UGT3A1: variants seen among roughly 807,000 people sequenced by gnomAD.
UGT3A1 encodes UDP-glycosyltransferase 3A1.
In UGT3A1, 40 loss-of-function variants were observed where a neutral mutation model predicts 37.6. The observed-to-expected ratio is 1.06, with a 90% CI of 0.83 to 1.38. UGT3A1 has a LOEUF of 1.38. Among genes scored for constraint, UGT3A1 ranks in the 40% most tolerant of loss-of-function variants. UGT3A1 has a pLI of 0.00. For missense variants in UGT3A1, 642 were observed against 634.2 expected (o/e 1.01, Z -0.13); for synonymous variants, 256 against 232.3 (o/e 1.10, Z -0.93).
chr5:35,993,403 G>A (rs1195115006), upstream of UGT3A1, among the ~76,000 whole-genome samples: 1 of 151,900 alleles, frequency 6.6e-6, no homozygotes, highest in Non-Finnish European at 1.5e-5. Context: ...GGCGGAGGTT[G>A]CAGTGAGCCA....
chr5:35,989,131 T>C (rs1460518034), intron 1 of UGT3A1, among the ~76,000 whole-genome samples: 1 of 152,230 alleles, frequency 6.6e-6, no homozygotes, highest in Non-Finnish European at 1.5e-5. Flanking sequence ...GTGATTAAAA[T>C]GTATTTGGCA....
intron 1 of UGT3A1, among the ~76,000 whole-genome samples, chr5:35,990,206 G>A (rs1230079720): frequency 6.6e-6 from 1 of 152,102 alleles, no homozygotes; most frequent in Non-Finnish European, 1.5e-5. Context: ...GGGACATTAA[G>A]GAGGCCACAT....
In UGT3A1 at chr5:35,988,568, A is replaced by G. The variant is rs1392535759; in HGVS notation, c.95-17T>C. On this transcript the variant is annotated splice_polypyrimidine_tract_variant and intron_variant, in intron 1 of 6. Transcript: ENST00000274278. ...GGCTTCCACCTAGAAACAATGCACA[A>G]TGTCTTTTGTAAAGATGAAAATAGA... 6.3e-7 allele frequency: 1 copy of G among 1,574,898 alleles called. No individual in the cohort carries two copies. Among genetic ancestry groups the G allele is most frequent in the Non-Finnish European group, 8.7e-7 (1 of 1,153,668 alleles).
intron 2 of UGT3A1, among the ~76,000 whole-genome samples, chr5:35,969,606 A>G (rs969540160): frequency 6.6e-6 from 1 of 152,214 alleles, no homozygotes; most frequent in African/African-American, 2.4e-5. Context: ...AAGGTCTACA[A>G]CTTAACCCTT....
chr5:35,981,866 T>A (rs1740536875), intron 2 of UGT3A1, among the ~76,000 whole-genome samples: 1 of 152,200 alleles, frequency 6.6e-6, no homozygotes, highest in Non-Finnish European at 1.5e-5. Flanking sequence ...CCCAGAGGCC[T>A]AGGAGGGGAA....
Position 35,965,910 on chromosome 5 carries a change from A to T in UGT3A1, c.319T>A (p.Ser107Thr), listed in dbSNP as rs1373724165. ...TCCATTAGCTTTACAAGGGCTTCAG[A>T]TTCTTTTCTGTAATAAAGAAAATAA... Reference protein sequence around the residue: ...IETALDGRKESEALVKLMEIF... With the variant: ...IETALDGRKETEALVKLMEIF... The change falls in exon 4 of 7, where the codon TCT (serine) becomes ACT (threonine). Residue 107 changes from serine to threonine, a missense_variant. Transcript: ENST00000274278. The T allele has an allele frequency of 7.1e-6, 11 of 1,543,660 alleles. No homozygotes were observed. Among genetic ancestry groups the T allele is most frequent in the Non-Finnish European group, 8.7e-6 (10 of 1,150,542 alleles).
At chr5:35,991,451 C>T, upstream of UGT3A1, 1 of 1,403,050 alleles carries the variant, frequency 7.1e-7, no homozygotes, top group Non-Finnish European at 9.3e-7. Flanking sequence ...ATAATCTGCC[C>T]TCACCCTATC....
chr5:35,971,881 C>T (rs1413742079), intron 2 of UGT3A1, among the ~76,000 whole-genome samples: 8 of 152,134 alleles, frequency 5.3e-5, no homozygotes, highest in Non-Finnish European at 7.3e-5. Context: ...AGCATGAGCT[C>T]GACCTTGGGC....
Position 35,954,438 on chromosome 5 carries a change from A to C in UGT3A1, c.1336T>G (p.Ser446Ala). 2 of 1,614,190 alleles carry C rather than the reference A, an allele frequency of 1.2e-6. No individual in the cohort carries two copies. Among genetic ancestry groups the C allele is most frequent in the Non-Finnish European group, 1.7e-6 (2 of 1,180,042 alleles). ...CGCTGTGCGGGGCTCAGGGGCTGAGAGTGCAGGATGACACTGGCTGCCACC... is the reference window on the plus strand; with the variant it reads ...CGCTGTGCGGGGCTCAGGGGCTGAGCGTGCAGGATGACACTGGCTGCCACC... ...AVVAASVILH[S>A]QPLSPAQRLV... Residue 446 changes from serine to alanine, a missense_variant, in exon 7 of 7, where the codon TCT (serine) becomes GCT (alanine). Physicochemically the swap from Ser to Ala is moderately conservative, Grantham distance 99 (BLOSUM62 1). Transcript: ENST00000274278.
chr5:35,956,994 T>C (rs967928475), intron 5 of UGT3A1, among the ~76,000 whole-genome samples, 194 bp downstream of exon 5: 6 of 152,218 alleles, frequency 3.9e-5, no homozygotes, highest in Non-Finnish European at 2.9e-5. Context: ...GTGGCTGTTT[T>C]CACCATTTTT....
intron 1 of UGT3A1, chr5:36,000,868 C>T (rs1339188919): frequency 6.6e-6 from 1 of 152,188 alleles, no homozygotes. Flanking sequence ...TCCTATGTCC[C>T]TACATCTTCT....
intron 4 of UGT3A1, among the ~76,000 whole-genome samples, chr5:35,958,513 AATC>A (rs1739447278): frequency 6.6e-6 from 1 of 151,896 alleles, no homozygotes; most frequent in Non-Finnish European, 1.5e-5. Context: ...GTAATTATAA[AATC>A]ATTATATAAA....
In UGT3A1 at chr5:35,952,912, T is replaced by C. The variant is rs1470055303; in HGVS notation, c.*1290A>G. ...TCCTTTCATGGAATTGGCAAAGTTT[T>C]TGGTGGGGGGCATTCTCTATTTCTG... On this transcript the variant is annotated 3_prime_UTR_variant, in exon 7 of 7. Coordinates refer to ENST00000274278, the MANE Select transcript of UGT3A1 (RefSeq NM_152404.4). The C allele has an allele frequency of 6.6e-6, 1 of 152,186 alleles. No individual in the cohort carries two copies. The highest frequency in any genetic ancestry group is 6.5e-5 in the Admixed American group (1 of 15,288). 9.4% of individuals were successfully genotyped at this position (152,186 alleles called of 1,614,324 possible).
chr5:35,972,424 C>G (rs1740080637), intron 2 of UGT3A1, among the ~76,000 whole-genome samples: 1 of 151,814 alleles, frequency 6.6e-6, no homozygotes, highest in Admixed American at 6.6e-5. Flanking sequence ...GACTTTCCAG[C>G]TTGCCTACCT....
At chr5:35,984,241 T>C (rs1740641974) in intron 2 of UGT3A1, among the ~76,000 whole-genome samples, 1 of 152,188 alleles carries the variant, frequency 6.6e-6, no homozygotes, top group Admixed American at 6.5e-5. Flanking sequence ...ACCAGTAGCA[T>C]TTCCATATGC....
intron 1 of UGT3A1, 72 bp from the exon 2 acceptor site, chr5:35,988,623 G>A: frequency 1.7e-6 from 2 of 1,177,458 alleles, no homozygotes; most frequent in Non-Finnish European, 2.5e-6. Context: ...GAGTAGGCAG[G>A]AGGGAATGGA....
chr5:35,997,957 A>G (rs1741134856), intron 1 of UGT3A1, among the ~76,000 whole-genome samples: 1 of 152,232 alleles, frequency 6.6e-6, no homozygotes, highest in South Asian at 2.1e-4. Flanking sequence ...TGACAGTGTA[A>G]GAGGAATTTC....
intron 4 of UGT3A1, chr5:35,962,892 T>A (rs1739647721): frequency 2.8e-6 from 2 of 702,750 alleles, no homozygotes; most frequent in Non-Finnish European, 2.6e-6. Context: ...ATCTCAGTGG[T>A]TCAGGATACA....
At chr5:35,998,695 G>A (rs1315844957) in intron 1 of UGT3A1, among the ~76,000 whole-genome samples, 1 of 152,200 alleles carries the variant, frequency 6.6e-6, no homozygotes, top group Non-Finnish European at 1.5e-5. Flanking sequence ...TTTAAGAGGA[G>A]AGGATGGAAA....
Sources: allele counts gnomAD v4.1 joint callset (sites outside exome capture counted in the v4.1 genomes callset), GRCh38; gene constraint gnomAD v4.1.1; transcripts MANE v1.5; gene names NCBI Gene and HGNC (gene_info 2026-07-23, HGNC 2026-07-21).